Variants in ADGRV1 observed in about 807,000 individuals in gnomAD.
ADGRV1 encodes the protein G-protein coupled receptor 98.
ADGRV1 carries 359 observed loss-of-function variants against 596.2 expected under a neutral mutation model. That is an observed-to-expected ratio of 0.60 (90% CI 0.55 to 0.66). ADGRV1 has a LOEUF of 0.66. Among genes scored for constraint, ADGRV1 ranks in the 30% least tolerant of loss-of-function variants. The pLI is 0.00. For missense variants in ADGRV1, 7,274 were observed against 7,575.6 expected (o/e 0.96, Z 1.48); for synonymous variants, 2,681 against 2,679.2 (o/e 1.00, Z -0.02).
At chr5:91,103,648 TTTAAAATTGAGAATTTTCACA>T (rs1243977420) in intron 87 of ADGRV1, among the ~76,000 whole-genome samples, 2 of 152,084 alleles carry the variant, frequency 1.3e-5, no homozygotes, top group Non-Finnish European at 2.9e-5. Context: ...GCTTCAAACT[TTTAAAATTGAGAATTTTCACA>T]TTAAAAACCT....
chr5:91,061,888 TTCTC>T (rs1357404104), intron 85 of ADGRV1, among the ~76,000 whole-genome samples: 1 of 152,254 alleles, frequency 6.6e-6, no homozygotes, highest in African/African-American at 2.4e-5. Context: ...CACTCCCTTT[TTCTC>T]TCTATCACTT....
chr5:91,162,941 C>G (rs1276871147), intron 89 of ADGRV1, among the ~76,000 whole-genome samples: 1 of 152,140 alleles, frequency 6.6e-6, no homozygotes, highest in Non-Finnish European at 1.5e-5. Flanking sequence ...TCTGGTGATT[C>G]ATCCAGCACA....
At chr5:90,767,821 C>T (rs1000313042) in intron 59 of ADGRV1, among the ~76,000 whole-genome samples, 2 of 152,266 alleles carry the variant, frequency 1.3e-5, no homozygotes, top group South Asian at 4.1e-4. Flanking sequence ...ATTTGCCATG[C>T]ACATGTTCTG....
intron 85 of ADGRV1, among the ~76,000 whole-genome samples, chr5:91,050,898 G>A (rs1786261103): frequency 6.6e-6 from 1 of 152,160 alleles, no homozygotes; most frequent in African/African-American, 2.4e-5. Context: ...TCCAGACAAA[G>A]TGATATCCAC....
chr5:90,785,055 C>T lies in ADGRV1; in HGVS notation c.13653+998C>T, dbSNP rs530419250. On this transcript the variant is annotated intron_variant, in intron 67 of 89. Coordinates refer to ENST00000405460, the MANE Select transcript of ADGRV1 (RefSeq NM_032119.4). ...CTACAGTAACCAAAACAGCGTGGTACTGGTACCAAAACAGATATATAGACC... is the reference window on the plus strand; with the variant it reads ...CTACAGTAACCAAAACAGCGTGGTATTGGTACCAAAACAGATATATAGACC... Among the ~76,000 whole-genome samples the T allele has an allele frequency of 1.9e-4, 29 of 152,248 alleles. No individual in the cohort carries two copies. In the East Asian group the frequency reaches 5.2e-3, roughly 27 times the overall value.
chr5:90,858,465 A>G (rs1365890736), intron 82 of ADGRV1, among the ~76,000 whole-genome samples: 1 of 151,948 alleles, frequency 6.6e-6, no homozygotes, highest in African/African-American at 2.4e-5. Flanking sequence ...CAAGTCTTAT[A>G]GTCTTGTAAT....
chr5:90,882,935 C>T (rs1427794653), intron 83 of ADGRV1, among the ~76,000 whole-genome samples: 2 of 148,512 alleles, frequency 1.3e-5, no homozygotes, highest in African/African-American at 5.2e-5. Context: ...ATGTCTGTGA[C>T]CATATTATCT....
At chr5:90,873,045 G>A (rs1768858270) in intron 83 of ADGRV1, among the ~76,000 whole-genome samples, 1 of 152,182 alleles carries the variant, frequency 6.6e-6, no homozygotes, top group Non-Finnish European at 1.5e-5. Context: ...AGCTTTATCT[G>A]CTTGCTGTAC....
rs41304886 is a variant in ADGRV1, at chr5:90,810,603, C to T, written c.15343C>T (p.Leu5115=). 519 of 1,613,924 alleles carry T rather than the reference C, an allele frequency of 3.2e-4. 4 individuals are homozygous for T. The African/African-American group carries it at 5.8e-3, about 18-fold the overall frequency. ...FDVNWSPRLN[L]DFSVAVITIL... ...TGTTAATTGGAGCCCACGCCTGAATCTAGATTTCAGTGTTGCAGTGATTAC... is the reference window on the plus strand; with the variant it reads ...TGTTAATTGGAGCCCACGCCTGAATTTAGATTTCAGTGTTGCAGTGATTAC... Residue 5115 remains leucine (L), a synonymous_variant, in exon 74 of 90, where the codon CTA becomes TTA. Coordinates refer to ENST00000405460, the MANE Select transcript of ADGRV1 (RefSeq NM_032119.4).
chr5:91,093,851 G>GT (rs376638151), intron 86 of ADGRV1, among the ~76,000 whole-genome samples: 8,009 of 132,266 alleles, frequency 0.061, 325 homozygotes, highest in African/African-American at 0.11. Flanking sequence ...ACATACGTAA[G>GT]TTTTTTTTTT....
intron 83 of ADGRV1, among the ~76,000 whole-genome samples, chr5:90,950,312 T>A (rs888230690): frequency 6.6e-6 from 1 of 152,006 alleles, no homozygotes; most frequent in Non-Finnish European, 1.5e-5. Flanking sequence ...ATGGACATAT[T>A]TAAGAACTAT....
At chr5:90,694,772 T>G in intron 33 of ADGRV1, 71 bp downstream of exon 33, 1 of 1,320,650 alleles carries the variant, frequency 7.6e-7, no homozygotes, top group Non-Finnish European at 1.0e-6. Flanking sequence ...ATGATAAAAT[T>G]TATAAGAATT....
At chr5:90,863,910 T>C in intron 83 of ADGRV1, 53 bp downstream of exon 83, 1 of 1,164,074 alleles carries the variant, frequency 8.6e-7, no homozygotes, top group South Asian at 1.3e-5. Flanking sequence ...TGTTTCTTCT[T>C]CTTTGGTTCT....
At chr5:91,124,938 A>G (rs186125485) in intron 87 of ADGRV1, among the ~76,000 whole-genome samples, 1 of 152,346 alleles carries the variant, frequency 6.6e-6, no homozygotes, top group East Asian at 1.9e-4. Flanking sequence ...AAGAGTCTCT[A>G]GAACTATACT....
At chr5:91,001,868 C>T (rs1781881552) in intron 85 of ADGRV1, among the ~76,000 whole-genome samples, 1 of 151,900 alleles carries the variant, frequency 6.6e-6, no homozygotes, top group South Asian at 2.1e-4. Flanking sequence ...TAATTCTTTT[C>T]TCTTTGTGTC....
intron 76 of ADGRV1, among the ~76,000 whole-genome samples, chr5:90,828,076 A>G (rs540597861): frequency 6.6e-6 from 1 of 152,316 alleles, no homozygotes; most frequent in East Asian, 1.9e-4. Context: ...AATCATTAGT[A>G]AAAACAGGTG....
rs755438598 is a variant in ADGRV1 at position 90,788,209 on chromosome 5, C to A, written c.13792C>A (p.Pro4598Thr). 7 of 1,613,668 alleles carry A rather than the reference C, an allele frequency of 4.3e-6. No homozygotes were observed. In the South Asian group the frequency reaches 7.7e-5, roughly 18 times the overall value. ...GVRTIILTIY[P>T]HEEIEVEETF... ...GAGAACCATAATTCTGACAATCTAT[C>A]CTCATGAAGAAATTGAAGTTGAAGA... The change falls in exon 68 of 90, where the codon CCT (proline) becomes ACT (threonine). Residue 4598 changes from proline (P) to threonine (T), a missense_variant. Physicochemically the swap from Pro to Thr is conservative, Grantham distance 38 (BLOSUM62 -1). Coordinates refer to ENST00000405460, the MANE Select transcript of ADGRV1 (RefSeq NM_032119.4).
chr5:90,664,416 C>T (rs1428902249), intron 21 of ADGRV1, among the ~76,000 whole-genome samples: 3 of 152,056 alleles, frequency 2.0e-5, no homozygotes, highest in African/African-American at 7.2e-5. Context: ...TCTCTGTTTG[C>T]CTGTTGTTGG....
intron 83 of ADGRV1, among the ~76,000 whole-genome samples, chr5:90,941,287 G>A (rs1776148581): frequency 6.6e-6 from 1 of 152,126 alleles, no homozygotes; most frequent in African/African-American, 2.4e-5. Context: ...AACACCTGGT[G>A]AAAATTAAAG....
Sources: gnomAD v4.1 joint callset for allele counts (sites outside exome capture counted in the v4.1 genomes callset) on GRCh38, gnomAD v4.1.1 for gene constraint, MANE v1.5 for transcripts, NCBI Gene and HGNC (gene_info 2026-07-23, HGNC 2026-07-21) for gene names.